Variants in GRIK4 observed in about 807,000 individuals in gnomAD.
GRIK4 encodes glutamate receptor ionotropic, kainate 4.
Under a neutral mutation model 104.9 loss-of-function variants are expected in GRIK4, and 40 were observed. The ratio of observed to expected loss-of-function variants is 0.38; its 90% CI spans 0.30 to 0.50. The LOEUF (loss-of-function observed/expected upper bound fraction) is 0.50. Ranked by LOEUF, GRIK4 falls within the 20% of genes least tolerant of loss-of-function variation. The pLI is 0.93. For missense variants in GRIK4, 1,047 were observed against 1,308.1 expected (o/e 0.80, Z 3.08); for synonymous variants, 485 against 524.9 (o/e 0.92, Z 1.04).
intron 9 of GRIK4, chr11:120,871,355 T>C: frequency 3.1e-6 from 1 of 325,470 alleles, no homozygotes; most frequent in East Asian, 7.7e-5. Flanking sequence ...AGGACGGTTG[T>C]AGGCTTGCAA....
At chr11:120,818,204 G>C (rs979412532) in intron 5 of GRIK4, among the ~76,000 whole-genome samples, 2 of 152,206 alleles carry the variant, frequency 1.3e-5, no homozygotes, top group African/African-American at 2.4e-5. Context: ...TGGATTCGCT[G>C]CTAATGGAAT....
intron 1 of GRIK4, among the ~76,000 whole-genome samples, chr11:120,567,233 C>G (rs958869587): frequency 6.6e-6 from 1 of 152,042 alleles, no homozygotes; most frequent in Non-Finnish European, 1.5e-5. Flanking sequence ...GATCATGGCT[C>G]ACTGCAGCCT....
intron 11 of GRIK4, among the ~76,000 whole-genome samples, chr11:120,885,897 C>T (rs534545819): frequency 1.4e-4 from 21 of 152,220 alleles, no homozygotes; most frequent in East Asian, 7.7e-4. Flanking sequence ...TTATTTTCGC[C>T]GTCACTGGAA....
intron 3 of GRIK4, among the ~76,000 whole-genome samples, chr11:120,722,550 G>T (rs1950952714): frequency 6.6e-6 from 1 of 151,934 alleles, no homozygotes. Flanking sequence ...GGAGGTTGCA[G>T]TGAGCTGAGA....
rs114596661 is a variant in GRIK4, at chr11:120,935,046, C to T, written c.1477-5301C>T. On this transcript the variant is annotated intron_variant, in intron 13 of 20. Transcript: ENST00000527524. ...CTGGTCATCAGTTTCCTCCTCAGAG[C>T]GTTCAATACTGCTGACCGCCATCAT... Among the ~76,000 whole-genome samples, 389 of 152,304 alleles carry T rather than the reference C, an allele frequency of 2.6e-3. 3 individuals carry two copies. Among genetic ancestry groups the T allele is most frequent in the African/African-American group, 8.8e-3 (364 of 41,566 alleles).
At chr11:120,984,760 C>G (rs1591359400) in intron 20 of GRIK4, among the ~76,000 whole-genome samples, 1 of 150,318 alleles carries the variant, frequency 6.7e-6, no homozygotes, top group South Asian at 2.1e-4. Flanking sequence ...CAGAGGAAGA[C>G]TCTTGTCTAA....
chr11:120,781,225 G>T (rs550520780), intron 3 of GRIK4, among the ~76,000 whole-genome samples: 1 of 151,576 alleles, frequency 6.6e-6, no homozygotes, highest in South Asian at 2.1e-4. Context: ...ATGGGTGTGA[G>T]GTGAAAAGAA....
chr11:120,528,496 A>G (rs747535105), intron 1 of GRIK4, among the ~76,000 whole-genome samples: 29 of 152,154 alleles, frequency 1.9e-4, no homozygotes, highest in Non-Finnish European at 2.9e-4. Flanking sequence ...GGCAGGGACT[A>G]TGGGGGACCC....
At chr11:120,855,661 G>A (rs1031909569) in intron 8 of GRIK4, among the ~76,000 whole-genome samples, 10 of 151,786 alleles carry the variant, frequency 6.6e-5, no homozygotes, top group African/African-American at 2.2e-4. Context: ...GGGTTCAAGC[G>A]ATTATCCTGC....
At position 120,683,902 on chromosome 11, in the gene GRIK4, G is replaced by C. The variant is rs78178227; in HGVS notation, c.82+23502G>C. ...CAAGCTCTGGAGTACCCGTTTGCCA[G>C]GCTAGAAAACGTTATCCCTAGCAAT... On this transcript the variant is annotated intron_variant, in intron 3 of 20. Coordinates refer to ENST00000527524, the MANE Select transcript of GRIK4 (RefSeq NM_014619.5). Among the ~76,000 whole-genome samples, 1,386 of 152,334 alleles carry C rather than the reference G, an allele frequency of 9.1e-3. 28 individuals carry two copies. Among genetic ancestry groups the C allele is most frequent in the South Asian group, 0.054 (259 of 4,824 alleles).
intron 1 of GRIK4, among the ~76,000 whole-genome samples, chr11:120,575,271 A>G (rs920342855): frequency 7.2e-5 from 11 of 152,136 alleles, no homozygotes; most frequent in Admixed American, 5.9e-4. Flanking sequence ...TGGCGGGCTC[A>G]TGGTGCCTTG....
At chr11:120,721,844 G>A (rs971421457) in intron 3 of GRIK4, among the ~76,000 whole-genome samples, 7 of 152,280 alleles carry the variant, frequency 4.6e-5, no homozygotes, top group South Asian at 2.1e-4. Flanking sequence ...CCAAGATGTC[G>A]AAGCATCAAA....
intron 6 of GRIK4, 57 bp from the exon 7 acceptor site, chr11:120,831,795 G>C: frequency 7.2e-7 from 1 of 1,398,102 alleles, no homozygotes; most frequent in Non-Finnish European, 1.0e-6. Context: ...TTCTGCCCAG[G>C]TGTCTCTAGA....
At chr11:120,765,298 C>T (rs573928359) in intron 3 of GRIK4, among the ~76,000 whole-genome samples, 60 of 151,898 alleles carry the variant, frequency 4.0e-4, no homozygotes, top group Middle Eastern at 3.4e-3. Context: ...CTGTATTTTT[C>T]AGCTCCATCA....
intron 1 of GRIK4, among the ~76,000 whole-genome samples, chr11:120,627,663 A>G (rs1949279122): frequency 6.6e-6 from 1 of 152,094 alleles, no homozygotes; most frequent in South Asian, 2.1e-4. Context: ...CCCTCCCTGA[A>G]GGGCCTAAGG....
chr11:120,760,890 A>G (rs1253521277), intron 3 of GRIK4, among the ~76,000 whole-genome samples: 2 of 152,062 alleles, frequency 1.3e-5, no homozygotes, highest in South Asian at 2.1e-4. Context: ...GCTATTGTGA[A>G]TAGTGCTGCA....
At chr11:120,933,261 A>G (rs912095259) in intron 13 of GRIK4, among the ~76,000 whole-genome samples, 1 of 152,250 alleles carries the variant, frequency 6.6e-6, no homozygotes, top group Admixed American at 6.5e-5. Flanking sequence ...TACACAGAAC[A>G]GGTCTGCCTG....
intron 3 of GRIK4, among the ~76,000 whole-genome samples, chr11:120,692,703 G>A (rs908012080): frequency 6.6e-6 from 1 of 152,170 alleles, no homozygotes; most frequent in African/African-American, 2.4e-5. Flanking sequence ...GCCTTAGTAG[G>A]AAGCTTGAAC....
intron 3 of GRIK4, among the ~76,000 whole-genome samples, chr11:120,661,758 T>C (rs530103962): frequency 1.9e-4 from 29 of 152,164 alleles, no homozygotes; most frequent in African/African-American, 7.0e-4. Context: ...GAGGAGCTGA[T>C]TGGAATCAGA....
Sources: gnomAD v4.1 joint callset for allele counts (sites outside exome capture counted in the v4.1 genomes callset) on GRCh38, gnomAD v4.1.1 for gene constraint, MANE v1.5 for transcripts, NCBI Gene and HGNC (gene_info 2026-07-23, HGNC 2026-07-21) for gene names.